The following ELAVL4 variants were observed in gnomAD, a reference collection of about 807,000 sequenced individuals.
The protein encoded by ELAVL4 is ELAV-like protein 4.
Under a neutral mutation model 35.6 loss-of-function variants are expected in ELAVL4, and 1 was observed. That is an observed-to-expected ratio of 0.03 (90% confidence interval 0.01 to 0.13). The LOEUF (loss-of-function observed/expected upper bound fraction) is 0.13, where lower values mean the gene tolerates loss of function less well. Among genes scored for constraint, ELAVL4 ranks in the 10% least tolerant of loss-of-function variants. The pLI, the probability that ELAVL4 is intolerant of heterozygous loss-of-function variation, is 1.00. For missense variants in ELAVL4, 267 were observed against 464.9 expected (o/e 0.57, Z 3.91); for synonymous variants, 156 against 171.0 (o/e 0.91, Z 0.69).
chr1:50,192,319 A>C (rs1307095676), intron 3 of ELAVL4, among the ~76,000 whole-genome samples: 1 of 152,112 alleles, frequency 6.6e-6, no homozygotes, highest in Non-Finnish European at 1.5e-5. Context: ...CCATAAAGGG[A>C]CCTGGCATGT....
chr1:50,077,128 C>A (rs934800114), intron 1 of ELAVL4, among the ~76,000 whole-genome samples: 1 of 152,122 alleles, frequency 6.6e-6, no homozygotes, highest in Non-Finnish European at 1.5e-5. Flanking sequence ...CCAGATTCAC[C>A]TCCCAGACCC....
intron 3 of ELAVL4, among the ~76,000 whole-genome samples, chr1:50,179,179 C>T (rs1680620282): frequency 6.6e-6 from 1 of 152,084 alleles, no homozygotes; most frequent in Non-Finnish European, 1.5e-5. Context: ...ACCCCCTCAC[C>T]CACCCTGTAT....
At chr1:50,166,998 A>T (rs190464261) in intron 2 of ELAVL4, among the ~76,000 whole-genome samples, 108 of 152,242 alleles carry the variant, frequency 7.1e-4, no homozygotes, top group Middle Eastern at 3.4e-3. Context: ...CAGGAACAAA[A>T]ATTTTGCTAG....
At chr1:50,165,688 A>G (rs1419607954) in intron 2 of ELAVL4, among the ~76,000 whole-genome samples, 1 of 148,784 alleles carries the variant, frequency 6.7e-6, no homozygotes, top group African/African-American at 2.5e-5. Context: ...ATATACATAT[A>G]TACACACATA....
intron 2 of ELAVL4, chr1:50,175,387 TACAC>T (rs68082703): frequency 0.24 from 34,404 of 142,774 alleles, 4,184 homozygotes; most frequent in East Asian, 0.57. Flanking sequence ...CCACCACACG[TACAC>T]ACACACACAC....
chr1:50,098,990 T>G (rs1383099308), upstream of ELAVL4, among the ~76,000 whole-genome samples: 1 of 152,216 alleles, frequency 6.6e-6, no homozygotes, highest in African/African-American at 2.4e-5. Context: ...CTAAGGCTTC[T>G]GCTGGTGACC....
upstream of ELAVL4, chr1:50,106,191 C>G: frequency 1.2e-6 from 1 of 828,746 alleles, no homozygotes; most frequent in Admixed American, 2.3e-5. Context: ...TTCTCCACTG[C>G]GCGGAGTAGG....
chr1:50,102,225 G>T (rs1311898021), upstream of ELAVL4, among the ~76,000 whole-genome samples: 7 of 152,012 alleles, frequency 4.6e-5, no homozygotes, highest in African/African-American at 9.7e-5. Flanking sequence ...GGCGGAGCTT[G>T]CGGTGAGCCG....
intron 2 of ELAVL4, among the ~76,000 whole-genome samples, chr1:50,165,439 T>TAG (rs1471429979): frequency 7.2e-6 from 1 of 139,552 alleles, no homozygotes; most frequent in Non-Finnish European, 1.5e-5. Flanking sequence ...TATATATATA[T>TAG]ATAGATATAG....
At chr1:50,184,639 G>A (rs975181504) in intron 3 of ELAVL4, among the ~76,000 whole-genome samples, 1 of 152,192 alleles carries the variant, frequency 6.6e-6, no homozygotes, top group Admixed American at 6.5e-5. Context: ...CTCTAGGAAA[G>A]AAAATTCTGC....
intron 1 of ELAVL4, among the ~76,000 whole-genome samples, chr1:50,078,838 A>G (rs780067778): frequency 1.3e-4 from 20 of 152,030 alleles, no homozygotes; most frequent in Non-Finnish European, 2.1e-4. Context: ...TGCCTATCAC[A>G]TGTGCGTCTG....
At chr1:50,145,583 T>C (rs1392636229) in intron 2 of ELAVL4, among the ~76,000 whole-genome samples, 1 of 152,182 alleles carries the variant, frequency 6.6e-6, no homozygotes, top group African/African-American at 2.4e-5. Flanking sequence ...TGCCCAGTGT[T>C]CTTCCATGTG....
At chr1:50,184,112 C>G (rs1051134990) in intron 3 of ELAVL4, among the ~76,000 whole-genome samples, 1 of 152,174 alleles carries the variant, frequency 6.6e-6, no homozygotes, top group African/African-American at 2.4e-5. Context: ...TTTGGCTGCT[C>G]TGCTTCCCAG....
rs1011562823 is a variant in ELAVL4 at position 50,072,832 on chromosome 1, A to G, written c.18+24650A>G. On this transcript the variant is annotated intron_variant, in intron 1 of 6. Transcript: ENST00000448907. ...TACAGATGAGGAAACTGAAGTTTCA[A>G]GAGATGAAATAACTTTCCCAAGGTA... is the stretch of plus-strand genomic sequence containing the variant. Among the ~76,000 whole-genome samples, 4 of 152,196 alleles carry G rather than the reference A, an allele frequency of 2.6e-5. No homozygotes were observed. The South Asian group carries it at 6.2e-4, about 24-fold the overall frequency.
Position 50,193,804 on chromosome 1 carries a change from G to T in ELAVL4, c.394G>T (p.Ala132Ser), listed in dbSNP as rs1433948845. ...TCCGAGCTCTGCCTCAATCAGGGATGCTAACCTCTATGTTAGCGGCCTTCC... is the reference window on the plus strand; with the variant it reads ...TCCGAGCTCTGCCTCAATCAGGGATTCTAACCTCTATGTTAGCGGCCTTCC... ...ARPSSASIRDANLYVSGLPKT... is the reference protein window; with the variant it reads ...ARPSSASIRDSNLYVSGLPKT... Residue 132 changes from alanine to serine, a missense_variant, in exon 4 of 7, where the codon GCT (alanine) becomes TCT (serine). Physicochemically the swap from Ala to Ser is moderately conservative, Grantham distance 99. Around this residue, in one of 2 missense-constraint regions of ELAVL4, gnomAD observed 216 missense variants for 409.5 expected, o/e 0.53. Coordinates refer to ENST00000371824, the MANE Select transcript of ELAVL4 (RefSeq NM_001144774.3). 1 of 1,613,950 alleles carries T rather than the reference G, an allele frequency of 6.2e-7. No homozygotes were observed. The highest frequency in any genetic ancestry group is 1.7e-5 in the Admixed American group (1 of 59,982).
At chr1:50,109,265 G>T in intron 1 of ELAVL4, 67 bp downstream of exon 1, 2 of 1,532,806 alleles carry the variant, frequency 1.3e-6, no homozygotes, top group South Asian at 2.3e-5. Flanking sequence ...TCTACACCTT[G>T]ACCAGTCTTA....
intron 1 of ELAVL4, among the ~76,000 whole-genome samples, chr1:50,143,365 T>C (rs993722444): frequency 6.6e-6 from 1 of 152,236 alleles, no homozygotes; most frequent in Admixed American, 6.5e-5. Context: ...TTTCCTCATC[T>C]ATAAGACATA....
rs912402125 is a variant in ELAVL4 at position 50,202,772 on chromosome 1, A to G, written c.*1594A>G. 1.3e-5 allele frequency: 2 copies of G among 152,138 alleles called. No individual in the cohort carries two copies. Among genetic ancestry groups the G allele is most frequent in the Non-Finnish European group, 2.9e-5 (2 of 68,012 alleles). 9.4% of individuals were successfully genotyped at this position (152,138 alleles called of 1,614,324 possible). On this transcript the variant is annotated 3_prime_UTR_variant, in exon 7 of 7. Coordinates refer to ENST00000371824, the MANE Select transcript of ELAVL4 (RefSeq NM_001144774.3). ...ATATGTCTTAAAATGTTTTCTTATG[A>G]TATTTAAGTGACAGTTAAAGAGGTA...
chr1:50,189,150 C>T (rs1682280528), intron 3 of ELAVL4, among the ~76,000 whole-genome samples: 1 of 152,184 alleles, frequency 6.6e-6, no homozygotes. Flanking sequence ...CCTCATTGCA[C>T]CCAACATGCC....
Sources: allele counts gnomAD v4.1 joint callset (sites outside exome capture counted in the v4.1 genomes callset), GRCh38; gene constraint gnomAD v4.1.1; regional missense constraint gnomAD v4.1.1; transcripts MANE v1.5; gene names NCBI Gene and HGNC (gene_info 2026-07-23, HGNC 2026-07-21).